Variants in PIEZO2 observed in about 807,000 individuals in gnomAD.
The protein encoded by PIEZO2 is piezo type mechanosensitive ion channel component 2, also known as piezo-type mechanosensitive ion channel component 2.
PIEZO2 carries 172 observed loss-of-function variants against 337.3 expected under a neutral mutation model. The ratio of observed to expected loss-of-function variants is 0.51; its 90% confidence interval spans 0.45 to 0.58. The LOEUF is 0.58. PIEZO2 is among the 20% of genes least tolerant of loss of function. The probability of loss-of-function intolerance (pLI) is 0.00; values close to 1 mark genes in which losing one functional copy is unlikely to be tolerated. For missense variants in PIEZO2, 3,028 were observed against 3,391.3 expected, an observed-to-expected ratio of 0.89 and a Z score of 2.66; for synonymous variants, 1,251 against 1,228.5, an observed-to-expected ratio of 1.02 and a Z score of -0.38.
rs1259670611 is a variant in PIEZO2, at chr18:10,795,359, ATT to A, written c.1528-359_1528-358del. On this transcript the variant is annotated intron_variant, in intron 12 of 55. Coordinates refer to ENST00000674853, the MANE Select transcript of PIEZO2 (RefSeq NM_001378183.1). This position sits in a 1 kb window ranked among gnomAD's most constrained non-coding sequence, Gnocchi z 4.4. ...TTATTTTATTTTATTTTATTATTTT[ATT>A]TTATTTTATTTTATTTTATTTTATT... is the stretch of plus-strand genomic sequence containing the variant. Among the ~76,000 whole-genome samples the A allele has an allele frequency of 2.7e-4, 12 of 43,708 alleles. No homozygotes were observed. The highest frequency in any genetic ancestry group is 5.1e-4 in the African/African-American group (9 of 17,684). 28.7% of individuals were successfully genotyped at this position (43,708 alleles called of 152,430 possible). A position where few individuals can be genotyped will look rare whatever the true frequency, so the allele number is the denominator to read the frequency against.
In PIEZO2 at chr18:11,001,274, G is replaced by C. The variant is rs1371104790; in HGVS notation, c.161-21614C>G. Among the ~76,000 whole-genome samples the C allele has an allele frequency of 6.6e-6, 1 of 152,074 alleles. No individual in the cohort carries two copies. Among genetic ancestry groups the C allele is most frequent in the Non-Finnish European group, 1.5e-5 (1 of 68,010 alleles). ...TGGCTTATGGTGGATTTTTATGCATGGGTCATCTGGCCACGATTTCCTCAG... is the reference window on the plus strand; with the variant it reads ...TGGCTTATGGTGGATTTTTATGCATCGGTCATCTGGCCACGATTTCCTCAG... On this transcript the variant is annotated intron_variant, in intron 2 of 55. Coordinates refer to ENST00000674853, the MANE Select transcript of PIEZO2 (RefSeq NM_001378183.1). This position sits in a 1 kb window ranked among gnomAD's most constrained non-coding sequence, Gnocchi z 5.3.
chr18:10,740,981 G>T (rs1337403951), intron 33 of PIEZO2, 50 bp downstream of exon 33: 3 of 1,502,970 alleles, frequency 2.0e-6, no homozygotes, highest in Admixed American at 2.0e-5. Context: ...TCTGGTCAAG[G>T]ATATAAGGGT....
chr18:10,782,336 A>ATAATTATAATATATTATAATTATATATAT (rs1568051000), intron 17 of PIEZO2, among the ~76,000 whole-genome samples: 2 of 28,702 alleles, frequency 7.0e-5, no homozygotes, highest in Admixed American at 7.0e-4. Flanking sequence ...ATTATATATA[A>ATAATTATAATATATTATAATTATATATAT]ATAATTATAA....
chr18:10,947,586 A>G (rs1281552309), intron 3 of PIEZO2, among the ~76,000 whole-genome samples: 1 of 152,208 alleles, frequency 6.6e-6, no homozygotes, highest in Non-Finnish European at 1.5e-5. Flanking sequence ...CAAAGAAGAG[A>G]GTTCTCTCTC....
chr18:10,860,937 G>T (rs1203521832), intron 5 of PIEZO2, among the ~76,000 whole-genome samples: 3 of 152,180 alleles, frequency 2.0e-5, no homozygotes, highest in East Asian at 3.8e-4. Context: ...GGGGCTGTCG[G>T]TTGGAAATAC....
At chr18:11,004,203 A>C (rs112933799) in intron 2 of PIEZO2, among the ~76,000 whole-genome samples, 2,249 of 152,306 alleles carry the variant, frequency 0.015, 57 homozygotes, top group African/African-American at 0.051. Context: ...GAGGGGGTCC[A>C]GGTGTACCAT....
chr18:10,975,629 G>A (rs768533544), intron 3 of PIEZO2, among the ~76,000 whole-genome samples: 3 of 152,148 alleles, frequency 2.0e-5, no homozygotes, highest in Admixed American at 6.5e-5. Flanking sequence ...CTGGAGGAAC[G>A]AGAACTTTCA....
intron 49 of PIEZO2, among the ~76,000 whole-genome samples, chr18:10,688,185 T>G (rs1008297602): frequency 6.6e-5 from 10 of 151,984 alleles, no homozygotes; most frequent in African/African-American, 2.4e-4. Context: ...GGCCCTGGTG[T>G]GTGATGTTCC....
Position 10,773,038 on chromosome 18 carries a change from T to C in PIEZO2, c.2785+374A>G, listed in dbSNP as rs1393483643. Among the ~76,000 whole-genome samples, 1 of 152,230 alleles carries C rather than the reference T, an allele frequency of 6.6e-6. No individual in the cohort carries two copies. Among genetic ancestry groups the C allele is most frequent in the Non-Finnish European group, 1.5e-5 (1 of 68,030 alleles). On this transcript the variant is annotated intron_variant, in intron 20 of 55. Coordinates refer to ENST00000674853, the MANE Select transcript of PIEZO2 (RefSeq NM_001378183.1). The surrounding 1 kb of genome is among the most constrained non-coding windows in gnomAD (Gnocchi z 5.3). ...AAGTCTCAGAATGGTTTCTTGAGAA[T>C]GCATTTGTAAGGGCGATGTCTAGAG...
At chr18:10,797,859 G>C (rs2039667670) in intron 11 of PIEZO2, among the ~76,000 whole-genome samples, 1 of 152,192 alleles carries the variant, frequency 6.6e-6, no homozygotes, top group Admixed American at 6.5e-5. Context: ...CCTGTGACAA[G>C]CTTCTTCTAA....
Position 11,099,670 on chromosome 18 carries a change from T to C in PIEZO2, c.65-33448A>G, listed in dbSNP as rs141292664. On this transcript the variant is annotated intron_variant, in intron 1 of 55. Transcript: ENST00000674853. This position sits in a 1 kb window ranked among gnomAD's most constrained non-coding sequence, Gnocchi z 5.4. ...TTAGTAGAGACAGTGTTTAACCATG[T>C]TGGCCAGGCTGATCTTGACCTCAGG... 3.9e-3 allele frequency among the ~76,000 whole-genome samples: 592 copies of C among 152,284 alleles called. 2 individuals are homozygous for C. The highest frequency in any genetic ancestry group is 6.7e-3 in the Non-Finnish European group (459 of 68,024).
intron 36 of PIEZO2, among the ~76,000 whole-genome samples, chr18:10,718,944 G>A (rs537471762): frequency 1.7e-4 from 25 of 151,346 alleles, no homozygotes; most frequent in Middle Eastern, 3.4e-3. Context: ...GTGCCACTGC[G>A]CTCCAGCCTG....
intron 3 of PIEZO2, among the ~76,000 whole-genome samples, chr18:10,937,317 C>T (rs960888820): frequency 6.6e-6 from 1 of 152,106 alleles, no homozygotes; most frequent in African/African-American, 2.4e-5. Context: ...TTGAGGTTGG[C>T]CTCTTAACTG....
intron 2 of PIEZO2, among the ~76,000 whole-genome samples, chr18:11,062,686 A>C (rs892144600): frequency 2.0e-5 from 3 of 152,246 alleles, no homozygotes; most frequent in African/African-American, 7.2e-5. Context: ...CCATCAGAGA[A>C]ATGCAAATCA....
Position 10,767,689 on chromosome 18 carries a change from G to A in PIEZO2, c.2946+2459C>T, listed in dbSNP as rs1376114710. On this transcript the variant is annotated intron_variant, in intron 21 of 55. Transcript: ENST00000674853. This position sits in a 1 kb window ranked among gnomAD's most constrained non-coding sequence, Gnocchi z 4.2. ...GGCTCCATGTGTACAAGCAGAGCAG[G>A]GCCTGTGTGAGGGTGGCCCCTGGTC... Among the ~76,000 whole-genome samples the A allele has an allele frequency of 6.6e-6, 1 of 152,160 alleles. No individual in the cohort carries two copies. Among genetic ancestry groups the A allele is most frequent in the Non-Finnish European group, 1.5e-5 (1 of 68,014 alleles).
At chr18:10,752,597 C>A in intron 28 of PIEZO2, 39 bp downstream of exon 28, 1 of 1,529,986 alleles carries the variant, frequency 6.5e-7, no homozygotes, top group Non-Finnish European at 8.8e-7. Flanking sequence ...TACTCTTACA[C>A]GAAAACCGCA....
At chr18:10,996,374 A>G (rs2035319634) in intron 2 of PIEZO2, among the ~76,000 whole-genome samples, 1 of 152,272 alleles carries the variant, frequency 6.6e-6, no homozygotes, top group Admixed American at 6.5e-5. Flanking sequence ...CATAATAAAA[A>G]ATAGATCATT....
chr18:10,974,703 C>A (rs1177100494), intron 3 of PIEZO2, among the ~76,000 whole-genome samples: 1 of 152,146 alleles, frequency 6.6e-6, no homozygotes, highest in Non-Finnish European at 1.5e-5. Context: ...CTCTAGAGCC[C>A]GTTTCTTCAT....
intron 1 of PIEZO2, among the ~76,000 whole-genome samples, chr18:11,106,418 C>CTCTTTTTT (rs1555714750): frequency 1.4e-4 from 18 of 129,602 alleles, no homozygotes; most frequent in African/African-American, 5.3e-4. Flanking sequence ...TTTCCTCTCT[C>CTCTTTTTT]TTTTTTTTTT....
Sources: gnomAD v4.1 joint callset for allele counts (sites outside exome capture counted in the v4.1 genomes callset) on GRCh38, gnomAD v4.1.1 for gene constraint, Gnocchi (gnomAD v3.1) non-coding constraint, MANE v1.5 for transcripts, NCBI Gene and HGNC (gene_info 2026-07-23, HGNC 2026-07-21) for gene names.